Variants in ZBTB7C observed in about 807,000 individuals in gnomAD.
The protein encoded by ZBTB7C is zinc finger and BTB domain containing 7C.
A neutral mutation model predicts 25.7 loss-of-function variants in ZBTB7C; 8 were observed. The ratio of observed to expected loss-of-function variants is 0.31; its 90% CI spans 0.18 to 0.56. The LOEUF is 0.56. Ranked by LOEUF, ZBTB7C falls within the 20% of genes least tolerant of loss-of-function variation. The probability of loss-of-function intolerance (pLI) is 0.91; values close to 1 mark genes in which losing one functional copy is unlikely to be tolerated. For missense variants in ZBTB7C, 824 were observed against 855.2 expected, an observed-to-expected ratio of 0.96 and a Z score of 0.46; for synonymous variants, 394 against 369.0, an observed-to-expected ratio of 1.07 and a Z score of -0.78.
chr18:48,294,811 A>G (rs1279635699), intron 2 of ZBTB7C, among the ~76,000 whole-genome samples: 1 of 152,186 alleles, frequency 6.6e-6, no homozygotes, highest in Non-Finnish European at 1.5e-5. Context: ...TGAGTCAGCT[A>G]AGTGAGTTAT....
intron 2 of ZBTB7C, among the ~76,000 whole-genome samples, chr18:48,190,811 TC>T (rs1475360114): frequency 3.9e-5 from 6 of 151,966 alleles, no homozygotes; most frequent in East Asian, 1.9e-4. Flanking sequence ...TTGCTAAAGA[TC>T]CCCCCTCTCA....
At position 48,165,227 on chromosome 18, in the gene ZBTB7C, C is replaced by T. The variant is rs142883461; in HGVS notation, c.-17+20707G>A. ...CAATTTAGAGGAGAGCTCCCAGCCT[C>T]CTGTTGGCCCACAGCTTAGAGCAGC... On this transcript the variant is annotated intron_variant, in intron 3 of 4. Coordinates refer to ENST00000590800, the MANE Select transcript of ZBTB7C (RefSeq NM_001318841.2). 1,143 of 770,874 alleles carry T rather than the reference C, an allele frequency of 1.5e-3. 14 individuals carry two copies. The African/African-American group carries it at 0.018, about 12-fold the overall frequency. The allele number at this position is 770,874 out of a possible 1,614,324, so 47.8% of individuals were successfully genotyped here. A position where few individuals can be genotyped will look rare whatever the true frequency, so the allele number is the denominator to read the frequency against.
intron 2 of ZBTB7C, among the ~76,000 whole-genome samples, chr18:48,285,722 C>T (rs2045025851): frequency 6.6e-6 from 1 of 152,152 alleles, no homozygotes; most frequent in Admixed American, 6.5e-5. Context: ...GGATCTTGTG[C>T]CCTAAAACAT....
chr18:48,291,406 G>C (rs191598868), intron 2 of ZBTB7C, among the ~76,000 whole-genome samples: 29 of 152,196 alleles, frequency 1.9e-4, no homozygotes, highest in Admixed American at 5.2e-4. Flanking sequence ...TTCCATAAAG[G>C]TGTTTCCTCC....
chr18:48,090,747 A>G (rs187185269), intron 3 of ZBTB7C, among the ~76,000 whole-genome samples: 6 of 148,468 alleles, frequency 4.0e-5, no homozygotes, highest in African/African-American at 1.6e-4. Flanking sequence ...ACTGTGCTGG[A>G]CCCAGGCCAG....
At position 48,040,713 on chromosome 18, in the gene ZBTB7C, T is replaced by TC. The variant is rs777259425; in HGVS notation, c.394dup (p.Asp132GlyfsTer7). ...CTCCTTGTCATCCTCCTCCCCCCCG[T>TC]CCCCCCCAGGCTCCATGATCTCCAG... On this transcript the variant is annotated frameshift_variant, in exon 4 of 5. Transcript: ENST00000590800. LOFTEE classifies it high-confidence loss of function. 6.2e-7 allele frequency: 1 copy of TC among 1,608,496 alleles called. No individual in the cohort carries two copies. The highest frequency in any genetic ancestry group is 8.5e-7 in the Non-Finnish European group (1 of 1,175,888).
intron 3 of ZBTB7C, among the ~76,000 whole-genome samples, chr18:48,120,891 C>T (rs1273933220): frequency 1.3e-5 from 2 of 152,374 alleles, no homozygotes; most frequent in African/African-American, 2.4e-5. Flanking sequence ...TCAGTTTGCA[C>T]ACTTACATCC....
chr18:48,312,269 G>A (rs1032539028), intron 2 of ZBTB7C, among the ~76,000 whole-genome samples: 15 of 152,142 alleles, frequency 9.9e-5, no homozygotes, highest in South Asian at 2.1e-4. Flanking sequence ...GGCCATCCAG[G>A]CAGCTGGCAT....
At chr18:48,105,356 T>A (rs1266046170) in intron 3 of ZBTB7C, among the ~76,000 whole-genome samples, 2 of 152,214 alleles carry the variant, frequency 1.3e-5, no homozygotes, top group Non-Finnish European at 2.9e-5. Context: ...TCATTTACAA[T>A]GCCCAGAGCT....
rs576274220 is a variant in ZBTB7C at position 48,205,986 on chromosome 18, G to A, written c.-78-19991C>T. On this transcript the variant is annotated intron_variant, in intron 2 of 4. Coordinates refer to ENST00000590800, the MANE Select transcript of ZBTB7C (RefSeq NM_001318841.2). ...GAGAAGTCAGGCAGCAGCCAAATGAGAATTGCCAGTGGGCCCAAAGGAGAC... is the reference window on the plus strand; with the variant it reads ...GAGAAGTCAGGCAGCAGCCAAATGAAAATTGCCAGTGGGCCCAAAGGAGAC... Among the ~76,000 whole-genome samples the A allele has an allele frequency of 7.9e-5, 12 of 152,324 alleles. No homozygotes were observed. In the South Asian group the frequency reaches 2.5e-3, roughly 32 times the overall value.
At chr18:48,365,324 C>T (rs1441686605) in intron 1 of ZBTB7C, among the ~76,000 whole-genome samples, 1 of 152,184 alleles carries the variant, frequency 6.6e-6, no homozygotes, top group Non-Finnish European at 1.5e-5. Context: ...CAGATAGCAT[C>T]CTGGGGAACA....
chr18:48,281,724 T>C (rs994138346), intron 2 of ZBTB7C, among the ~76,000 whole-genome samples: 15 of 151,926 alleles, frequency 9.9e-5, no homozygotes, highest in African/African-American at 3.4e-4. Flanking sequence ...TCACCATCAC[T>C]GGCCATCAGA....
chr18:48,289,377 T>C (rs79799750), intron 2 of ZBTB7C, among the ~76,000 whole-genome samples: 2,130 of 152,122 alleles, frequency 0.014, 22 homozygotes, highest in South Asian at 0.054. Flanking sequence ...AAGAGAATGG[T>C]TGGATGATCT....
At chr18:48,152,518 T>C (rs1322488782) in intron 3 of ZBTB7C, among the ~76,000 whole-genome samples, 1 of 152,228 alleles carries the variant, frequency 6.6e-6, no homozygotes, top group Non-Finnish European at 1.5e-5. Flanking sequence ...CAAACAAATC[T>C]ACATTTAACA....
rs112540635 is a variant in ZBTB7C at position 48,373,699 on chromosome 18, C to T, written c.-303-35301G>A. Among the ~76,000 whole-genome samples the T allele has an allele frequency of 1.8e-3, 274 of 152,304 alleles. 1 individual carries two copies. The highest frequency in any genetic ancestry group is 5.4e-3 in the Admixed American group (82 of 15,302). ...TCTGTGGGCCGGGCACTATGGCTCA[C>T]GCCTGTAATCCCAGAACTTTGGGAG... On this transcript the variant is annotated intron_variant, in intron 1 of 4. Transcript: ENST00000590800.
Position 48,123,008 on chromosome 18 carries a change from G to A in ZBTB7C, c.-17+62926C>T, listed in dbSNP as rs570342415. Among the ~76,000 whole-genome samples, 78 of 152,286 alleles carry A rather than the reference G, an allele frequency of 5.1e-4. 2 individuals carry two copies. The South Asian group carries it at 7.5e-3, about 15-fold the overall frequency. On this transcript the variant is annotated intron_variant, in intron 3 of 4. Coordinates refer to ENST00000590800, the MANE Select transcript of ZBTB7C (RefSeq NM_001318841.2). Reference sequence around the variant, plus strand: ...CGGATCTATGGGGCTGGTCGAACTTGTCCTTGGGGCTCTGTCTGGAGGGGC... The same window carrying A: ...CGGATCTATGGGGCTGGTCGAACTTATCCTTGGGGCTCTGTCTGGAGGGGC...
At chr18:48,382,262 A>G (rs973837985) in intron 1 of ZBTB7C, among the ~76,000 whole-genome samples, 11 of 152,238 alleles carry the variant, frequency 7.2e-5, no homozygotes, top group African/African-American at 2.7e-4. Flanking sequence ...AATGGAAAAG[A>G]GTAGCTTCTG....
At chr18:48,232,140 G>A (rs1167351359) in intron 2 of ZBTB7C, among the ~76,000 whole-genome samples, 1 of 152,228 alleles carries the variant, frequency 6.6e-6, no homozygotes, top group African/African-American at 2.4e-5. Flanking sequence ...CAAAACTCAG[G>A]CAAAGGCACT....
chr18:48,311,179 T>A (rs2045809507), intron 2 of ZBTB7C, among the ~76,000 whole-genome samples: 1 of 152,050 alleles, frequency 6.6e-6, no homozygotes, highest in Non-Finnish European at 1.5e-5. Context: ...AGGCAGCAGA[T>A]CCCAAGATGC....
Sources: allele counts gnomAD v4.1 joint callset (sites outside exome capture counted in the v4.1 genomes callset), GRCh38; gene constraint gnomAD v4.1.1; transcripts MANE v1.5; gene names NCBI Gene and HGNC (gene_info 2026-07-23, HGNC 2026-07-21).